Variants in PACS1 observed in about 807,000 individuals in gnomAD.
PACS1 encodes the protein phosphofurin acidic cluster sorting protein 1, also known as PACS-1.
In PACS1, 24 loss-of-function variants were observed where a neutral mutation model predicts 115.0. That is an observed-to-expected ratio of 0.21 (90% CI 0.15 to 0.29). The LOEUF (loss-of-function observed/expected upper bound fraction) is 0.29. Ranked by LOEUF, PACS1 falls within the 10% of genes least tolerant of loss-of-function variation. The pLI, the probability that PACS1 is intolerant of heterozygous loss-of-function variation, is 1.00. For synonymous variants in PACS1, 453 were observed against 504.5 expected (o/e 0.90, Z 1.37); for missense variants, 838 against 1,251.2 (o/e 0.67, Z 4.98).
chr11:66,220,821 A>C (rs1345833630), intron 9 of PACS1, 30 bp downstream of exon 9: 1 of 1,608,402 alleles, frequency 6.2e-7, no homozygotes, highest in African/African-American at 1.3e-5. Flanking sequence ...GCTGGCCTCC[A>C]GACTCTCCTT....
chr11:66,174,814 A>G (rs56147726), intron 1 of PACS1, among the ~76,000 whole-genome samples: 17,438 of 152,216 alleles, frequency 0.11, 1,380 homozygotes, highest in South Asian at 0.33. Context: ...TGGTTGCACT[A>G]TCTAACAAAT....
chr11:66,211,370 G>T, intron 4 of PACS1, 111 bp downstream of exon 4: 2 of 1,123,240 alleles, frequency 1.8e-6, no homozygotes, highest in South Asian at 3.3e-5. Flanking sequence ...TGCTGGCTAG[G>T]TGCTTAATTC....
chr11:66,220,376 G>A, intron 8 of PACS1: 1 of 489,624 alleles, frequency 2.0e-6, no homozygotes, highest in South Asian at 2.7e-5. Context: ...TGGGCCTCGG[G>A]ATTCCTCAGC....
rs1044374482 is a variant in PACS1, at chr11:66,235,571, G to T, written c.2207+168G>T. The T allele has an allele frequency of 1.7e-4, 102 of 611,336 alleles. No homozygotes were observed. In the African/African-American group the frequency reaches 1.8e-3, roughly 11 times the overall value. 37.9% of individuals were successfully genotyped at this position (611,336 alleles called of 1,614,324 possible). A position where few individuals can be genotyped will look rare whatever the true frequency, so the allele number is the denominator to read the frequency against. On this transcript the variant is annotated intron_variant, in intron 18 of 23. Transcript: ENST00000320580. This position sits in a 1 kb window ranked among gnomAD's most constrained non-coding sequence, Gnocchi z 5.6. Reference sequence around the variant, plus strand: ...ACCACCTCCCCAGCACTCCTTCCTTGCCCAAGGCCTCCCACCCATAGGAGC... The same window carrying T: ...ACCACCTCCCCAGCACTCCTTCCTTTCCCAAGGCCTCCCACCCATAGGAGC...
chr11:66,115,703 C>A (rs1274322836), intron 1 of PACS1, among the ~76,000 whole-genome samples: 1 of 152,200 alleles, frequency 6.6e-6, no homozygotes, highest in Non-Finnish European at 1.5e-5. Flanking sequence ...TAGGTTTTGC[C>A]TGCATGTTTA....
chr11:66,145,911 A>T (rs959185108), intron 1 of PACS1, among the ~76,000 whole-genome samples: 3 of 152,198 alleles, frequency 2.0e-5, no homozygotes, highest in African/African-American at 7.2e-5. Flanking sequence ...GAAGAAAAGA[A>T]ACTGAGTAGA....
intron 1 of PACS1, among the ~76,000 whole-genome samples, chr11:66,183,774 C>T (rs1860056493): frequency 6.6e-6 from 1 of 152,210 alleles, no homozygotes; most frequent in Admixed American, 6.5e-5. Context: ...AAGAGCAGCA[C>T]TCAGTGGCAG....
intron 1 of PACS1, among the ~76,000 whole-genome samples, chr11:66,163,627 A>ATG (rs1859537887): frequency 6.6e-6 from 1 of 152,190 alleles, no homozygotes; most frequent in Admixed American, 6.6e-5. Flanking sequence ...GGTAGCTATG[A>ATG]TGTGACGTGT....
At chr11:66,238,751 A>G (rs1855752669) in intron 19 of PACS1, 53 bp from the exon 20 acceptor site, 1 of 1,495,952 alleles carries the variant, frequency 6.7e-7, no homozygotes, top group African/African-American at 1.4e-5. Context: ...GTTGGATCAG[A>G]ACATGCCTGC....
At chr11:66,101,809 G>A (rs1857925727) in intron 1 of PACS1, among the ~76,000 whole-genome samples, 1 of 152,182 alleles carries the variant, frequency 6.6e-6, no homozygotes, top group Non-Finnish European at 1.5e-5. Context: ...AAGCTATAAA[G>A]GGAGACGGTT....
chr11:66,183,754 A>G lies in PACS1; in HGVS notation c.357-9732A>G, dbSNP rs552730131. 2.0e-5 allele frequency among the ~76,000 whole-genome samples: 3 copies of G among 152,346 alleles called. No homozygotes were observed. The East Asian group carries it at 5.8e-4, about 29-fold the overall frequency. On this transcript the variant is annotated intron_variant, in intron 1 of 23. Coordinates refer to ENST00000320580, the MANE Select transcript of PACS1 (RefSeq NM_018026.4). ...TCTGCAGAGCAGGGATAGACCTGGT[A>G]GGCAGCCTCAAGAGCAGCACTCAGT...
intron 1 of PACS1, among the ~76,000 whole-genome samples, chr11:66,127,284 C>G (rs546615021): frequency 6.6e-6 from 1 of 152,288 alleles, no homozygotes; most frequent in East Asian, 1.9e-4. Context: ...TCTGAACCCC[C>G]GGTGAATTTT....
At chr11:66,140,929 CTTA>C (rs1179490540) in intron 1 of PACS1, among the ~76,000 whole-genome samples, 4 of 151,844 alleles carry the variant, frequency 2.6e-5, no homozygotes, top group Admixed American at 6.6e-5. Flanking sequence ...GGTTTTCTTT[CTTA>C]TTGGTATCTT....
At chr11:66,229,287 G>C (rs1590835607) in intron 11 of PACS1, among the ~76,000 whole-genome samples, 1 of 151,758 alleles carries the variant, frequency 6.6e-6, no homozygotes, top group Admixed American at 6.6e-5. Context: ...TACTTGGAAG[G>C]CTGAGGTAAG....
rs1855645600 is a variant in PACS1 at position 66,233,637 on chromosome 11, C to G, written c.1839-148C>G. ...GGTTGTGAAAGCACTGTGGCTTATT[C>G]CCTGTATGATCCTCTCTGTTTTATT... On this transcript the variant is annotated intron_variant, in intron 15 of 23. Coordinates refer to ENST00000320580, the MANE Select transcript of PACS1 (RefSeq NM_018026.4). This position sits in a 1 kb window ranked among gnomAD's most constrained non-coding sequence, Gnocchi z 4.5. 1 of 713,568 alleles carries G rather than the reference C, an allele frequency of 1.4e-6. No homozygotes were observed. Among genetic ancestry groups the G allele is most frequent in the South Asian group, 2.0e-5 (1 of 51,038 alleles). 44.2% of individuals were successfully genotyped at this position (713,568 alleles called of 1,614,324 possible). A position where few individuals can be genotyped will look rare whatever the true frequency, so the allele number is the denominator to read the frequency against.
intron 1 of PACS1, among the ~76,000 whole-genome samples, chr11:66,143,127 T>C (rs1859036367): frequency 6.6e-6 from 1 of 152,104 alleles, no homozygotes; most frequent in Non-Finnish European, 1.5e-5. Context: ...GTGATTTCCT[T>C]CCTAAGCAGT....
rs774525784 is a variant in PACS1, at chr11:66,185,521, C to T, written c.357-7965C>T. Among the ~76,000 whole-genome samples the T allele has an allele frequency of 3.3e-5, 5 of 152,226 alleles. No individual in the cohort carries two copies. The East Asian group carries it at 5.8e-4, about 18-fold the overall frequency. ...TTTGAAATCCCTTTAAGTAGGGACT[C>T]GGCTAGAGGTGTTCTTCTGCCTGAT... On this transcript the variant is annotated intron_variant, in intron 1 of 23. Transcript: ENST00000320580.
intron 1 of PACS1, among the ~76,000 whole-genome samples, chr11:66,092,777 A>G (rs1226475496): frequency 1.3e-4 from 20 of 152,094 alleles, no homozygotes; most frequent in Admixed American, 3.9e-4. Context: ...TATTAAATAG[A>G]GAATCCTTTC....
At chr11:66,120,126 G>A (rs1307737432) in intron 1 of PACS1, among the ~76,000 whole-genome samples, 1 of 149,526 alleles carries the variant, frequency 6.7e-6, no homozygotes, top group Admixed American at 6.7e-5. Context: ...TACTATAACT[G>A]TGAAAATTAT....
Sources: allele counts gnomAD v4.1 joint callset (sites outside exome capture counted in the v4.1 genomes callset), GRCh38; gene constraint gnomAD v4.1.1; non-coding constraint Gnocchi (gnomAD v3.1); transcripts MANE v1.5; gene names NCBI Gene and HGNC (gene_info 2026-07-23, HGNC 2026-07-21).